DIP2C: variants seen among roughly 807,000 people sequenced by gnomAD.
DIP2C encodes the protein disco-interacting protein 2 homolog C.
A neutral mutation model predicts 192.4 loss-of-function variants in DIP2C; 33 were observed. The observed-to-expected ratio is 0.17, with a 90% CI of 0.13 to 0.23. DIP2C has a LOEUF of 0.23. Ranked by LOEUF, DIP2C falls within the 10% of genes least tolerant of loss-of-function variation. The pLI, the probability that DIP2C is intolerant of heterozygous loss-of-function variation, is 1.00. For synonymous variants in DIP2C, 979 were observed against 864.1 expected (o/e 1.13, Z -2.33); for missense variants, 1,537 against 2,110.1 (o/e 0.73, Z 5.32).
intron 1 of DIP2C, among the ~76,000 whole-genome samples, chr10:568,391 T>G (rs1322958814): frequency 1.3e-5 from 2 of 151,890 alleles, no homozygotes; most frequent in Admixed American, 6.6e-5. Flanking sequence ...TAGACCCAAA[T>G]GAGAGCAAAA....
chr10:335,384 C>G (rs951061928), intron 29 of DIP2C, among the ~76,000 whole-genome samples: 16 of 152,188 alleles, frequency 1.1e-4, no homozygotes, highest in Non-Finnish European at 2.9e-5. Context: ...AACACCTAAG[C>G]CATCAAAATC....
chr10:540,465 C>T (rs1434142685), intron 1 of DIP2C, among the ~76,000 whole-genome samples: 1 of 152,340 alleles, frequency 6.6e-6, no homozygotes, highest in Admixed American at 6.5e-5. Context: ...TAAAACACTT[C>T]CTCAAATCTC....
chr10:417,808 G>T (rs1274497388), intron 6 of DIP2C, among the ~76,000 whole-genome samples: 1 of 83,506 alleles, frequency 1.2e-5, no homozygotes, highest in African/African-American at 5.8e-5. Flanking sequence ...CTGTCCACCT[G>T]TTCCTGTCAG....
intron 1 of DIP2C, among the ~76,000 whole-genome samples, chr10:677,897 T>C (rs1233052825): frequency 6.6e-6 from 1 of 152,216 alleles, no homozygotes; most frequent in Non-Finnish European, 1.5e-5. Flanking sequence ...TTCCAGGAGC[T>C]GTCTGGCTCA....
chr10:594,028 T>G (rs1851556599), intron 1 of DIP2C, among the ~76,000 whole-genome samples: 1 of 152,158 alleles, frequency 6.6e-6, no homozygotes, highest in African/African-American at 2.4e-5. Flanking sequence ...CAGGGTGTGT[T>G]CACCGTTTCT....
At chr10:518,502 G>C (rs1464461386) in intron 1 of DIP2C, among the ~76,000 whole-genome samples, 3 of 152,214 alleles carry the variant, frequency 2.0e-5, no homozygotes, top group Non-Finnish European at 2.9e-5. Flanking sequence ...GGGAGGTGAT[G>C]AGTTCCCGAA....
Position 434,968 on chromosome 10 carries a change from T to A in DIP2C, c.394+5903A>T, listed in dbSNP as rs536755215. Among the ~76,000 whole-genome samples, 4 of 152,094 alleles carry A rather than the reference T, an allele frequency of 2.6e-5. No homozygotes were observed. In the South Asian group the frequency reaches 8.3e-4, roughly 32 times the overall value. ...TATAGTTTATTTTTGTTTTTGTCGTTGTTGTTTTTACATTTATCCTGCTTC... is the reference window on the plus strand; with the variant it reads ...TATAGTTTATTTTTGTTTTTGTCGTAGTTGTTTTTACATTTATCCTGCTTC... On this transcript the variant is annotated intron_variant, in intron 4 of 36. Coordinates refer to ENST00000280886, the MANE Select transcript of DIP2C (RefSeq NM_014974.3).
Position 542,849 on chromosome 10 carries a change from A to G in DIP2C, c.86-56319T>C, listed in dbSNP as rs566568794. The stretch of plus-strand genomic sequence containing the variant: ...GTTCTGACCCTCCCCCCTTCTCTAT[A>G]CCACAGATCATCAGATCCCAGTTCT... On this transcript the variant is annotated intron_variant, in intron 1 of 36. Coordinates refer to ENST00000280886, the MANE Select transcript of DIP2C (RefSeq NM_014974.3). Among the ~76,000 whole-genome samples, 3 of 151,020 alleles carry G rather than the reference A, an allele frequency of 2.0e-5. No homozygotes were observed. The South Asian group carries it at 6.3e-4, about 32-fold the overall frequency.
rs533328225 is a variant in DIP2C, at chr10:323,466, T to C, written c.3924+3540A>G. On this transcript the variant is annotated intron_variant, in intron 31 of 36. Coordinates refer to ENST00000280886, the MANE Select transcript of DIP2C (RefSeq NM_014974.3). Reference sequence around the variant, plus strand: ...GCGGGGCTCCAGCGAGAGACCAGCGTTGTTAGAACGCAGTCAGTCTGAGAG... The same window carrying C: ...GCGGGGCTCCAGCGAGAGACCAGCGCTGTTAGAACGCAGTCAGTCTGAGAG... Among the ~76,000 whole-genome samples, 163 of 55,508 alleles carry C rather than the reference T, an allele frequency of 2.9e-3. 31 individuals are homozygous for C. In the South Asian group the frequency reaches 0.03, roughly 10 times the overall value. 36.4% of individuals were successfully genotyped at this position (55,508 alleles called of 152,430 possible). A position where few individuals can be genotyped will look rare whatever the true frequency, so the allele number is the denominator to read the frequency against.
At chr10:530,123 G>T (rs955994400) in intron 1 of DIP2C, among the ~76,000 whole-genome samples, 55 of 152,354 alleles carry the variant, frequency 3.6e-4, no homozygotes, top group African/African-American at 1.2e-3. Flanking sequence ...GGAGCATCCC[G>T]GACATGCCAC....
intron 1 of DIP2C, among the ~76,000 whole-genome samples, chr10:629,127 T>C (rs1009094947): frequency 6.6e-6 from 1 of 152,066 alleles, no homozygotes; most frequent in African/African-American, 2.4e-5. Flanking sequence ...AAATAAAGGC[T>C]GGTGATGTGA....
rs968736667 is a variant in DIP2C, at chr10:454,787, G to A, written c.269-13791C>T. ...ATGTCATTATTGCAATGAGATATTC[G>A]GGGGATAAAAACATGAGCACCCCTG... is the stretch of plus-strand genomic sequence containing the variant. On this transcript the variant is annotated intron_variant, in intron 3 of 36. Coordinates refer to ENST00000280886, the MANE Select transcript of DIP2C (RefSeq NM_014974.3). Among the ~76,000 whole-genome samples, 30 of 151,342 alleles carry A rather than the reference G, an allele frequency of 2.0e-4. 1 individual carries two copies. Among genetic ancestry groups the A allele is most frequent in the African/African-American group, 2.7e-4 (11 of 41,140 alleles).
chr10:487,158 C>G (rs985820434), intron 1 of DIP2C, among the ~76,000 whole-genome samples: 3 of 152,196 alleles, frequency 2.0e-5, no homozygotes, highest in African/African-American at 7.2e-5. Context: ...TTTCCTGGAG[C>G]CAGCGCAAGC....
intron 4 of DIP2C, among the ~76,000 whole-genome samples, chr10:438,273 T>TC (rs1967431753): frequency 6.6e-6 from 1 of 152,196 alleles, no homozygotes; most frequent in South Asian, 2.1e-4. Flanking sequence ...CCACACTGCT[T>TC]CTTCCATTTC....
intron 1 of DIP2C, among the ~76,000 whole-genome samples, chr10:522,148 T>C (rs1226604801): frequency 1.3e-5 from 2 of 151,748 alleles, no homozygotes; most frequent in East Asian, 3.9e-4. Context: ...CAGTTGTGCC[T>C]TTTCCAGGCT....
At chr10:541,693 C>A (rs1453045345) in intron 1 of DIP2C, among the ~76,000 whole-genome samples, 1 of 149,456 alleles carries the variant, frequency 6.7e-6, no homozygotes, top group African/African-American at 2.5e-5. Flanking sequence ...AGTGACCCTC[C>A]ACCTGACCAC....
intron 2 of DIP2C, among the ~76,000 whole-genome samples, chr10:482,978 A>G (rs75598184): frequency 0.015 from 2,347 of 152,160 alleles, 65 homozygotes; most frequent in African/African-American, 0.054. Flanking sequence ...TGCATGTATA[A>G]CTCACATTTC....
At chr10:399,068 TCTCA>T (rs1964209235) in intron 10 of DIP2C, 37 bp downstream of exon 10, 2 of 1,534,750 alleles carry the variant, frequency 1.3e-6, no homozygotes, top group South Asian at 1.1e-5. Flanking sequence ...GTGAAAGCCA[TCTCA>T]CTCAGCGAGA....
At chr10:610,935 ACC>A (rs1208032922) in intron 1 of DIP2C, among the ~76,000 whole-genome samples, 2 of 145,642 alleles carry the variant, frequency 1.4e-5, no homozygotes, top group African/African-American at 2.6e-5. Context: ...GTGGTTTCTA[ACC>A]CCCCCGTGTT....
Sources: allele counts gnomAD v4.1 joint callset (sites outside exome capture counted in the v4.1 genomes callset), GRCh38; gene constraint gnomAD v4.1.1; transcripts MANE v1.5; gene names NCBI Gene and HGNC (gene_info 2026-07-23, HGNC 2026-07-21).